The following NRIP1 variants were observed in gnomAD, a reference collection of about 807,000 sequenced individuals.
NRIP1 encodes nuclear receptor-interacting protein 1.
A neutral mutation model predicts 75.0 loss-of-function variants in NRIP1; 28 were observed. That is an observed-to-expected ratio of 0.37 (90% CI 0.28 to 0.51). The LOEUF (loss-of-function observed/expected upper bound fraction) is 0.51. NRIP1 is among the 20% of genes least tolerant of loss of function. The pLI is 0.92. For synonymous variants in NRIP1, 526 were observed against 487.6 expected (o/e 1.08, Z -1.04); for missense variants, 1,435 against 1,343.7 (o/e 1.07, Z -1.06).
At chr21:15,021,743 CAGTT>C (rs1394218150) in intron 2 of NRIP1, among the ~76,000 whole-genome samples, 1 of 151,932 alleles carries the variant, frequency 6.6e-6, no homozygotes. Context: ...CATGAACAGA[CAGTT>C]CTAAAAAGAA....
chr21:15,056,149 G>A (rs181489061), intron 1 of NRIP1, among the ~76,000 whole-genome samples: 4 of 152,192 alleles, frequency 2.6e-5, no homozygotes, highest in African/African-American at 9.6e-5. Flanking sequence ...TAAATGGGGG[G>A]AGGACAAGGT....
intron 3 of NRIP1, among the ~76,000 whole-genome samples, chr21:14,988,517 GTATA>G (rs142771734): frequency 2.1e-3 from 297 of 142,428 alleles, no homozygotes; most frequent in Middle Eastern, 7.3e-3. Context: ...GTGTGTGTGT[GTATA>G]TATATATATA....
chr21:15,033,697 T>C (rs944042867), intron 2 of NRIP1, among the ~76,000 whole-genome samples: 2 of 152,238 alleles, frequency 1.3e-5, no homozygotes, highest in African/African-American at 2.4e-5. Flanking sequence ...CATACATTAT[T>C]TCACTTAATC....
chr21:15,045,369 T>G (rs1377664380), intron 1 of NRIP1, among the ~76,000 whole-genome samples: 1 of 152,222 alleles, frequency 6.6e-6, no homozygotes, highest in Non-Finnish European at 1.5e-5. Context: ...CACAAGTTTT[T>G]TGGTTTCCTA....
At chr21:14,982,267 T>C (rs2087257656) in intron 3 of NRIP1, among the ~76,000 whole-genome samples, 2 of 152,212 alleles carry the variant, frequency 1.3e-5, no homozygotes, top group South Asian at 4.1e-4. Flanking sequence ...ATATAAAATA[T>C]ATAATTTGTT....
At chr21:14,986,760 C>A (rs764348255) in intron 3 of NRIP1, among the ~76,000 whole-genome samples, 1 of 152,120 alleles carries the variant, frequency 6.6e-6, no homozygotes, top group Non-Finnish European at 1.5e-5. Context: ...TTCATTTGAA[C>A]TAACGACTTA....
intron 2 of NRIP1, among the ~76,000 whole-genome samples, chr21:15,020,225 C>A (rs576009788): frequency 1.3e-5 from 2 of 152,226 alleles, no homozygotes; most frequent in South Asian, 2.1e-4. Flanking sequence ...TATATGGTAA[C>A]CAACAGTGTT....
At chr21:15,044,498 G>A (rs1336798155) in intron 1 of NRIP1, among the ~76,000 whole-genome samples, 1 of 151,886 alleles carries the variant, frequency 6.6e-6, no homozygotes, top group Non-Finnish European at 1.5e-5. Context: ...GCGGTGATAA[G>A]GGAGGTACCA....
intron 2 of NRIP1, among the ~76,000 whole-genome samples, chr21:15,032,768 G>A (rs2088736138): frequency 6.6e-6 from 1 of 152,194 alleles, no homozygotes; most frequent in African/African-American, 2.4e-5. Flanking sequence ...AAATGAAGCA[G>A]GAGATGCAGC....
intron 1 of NRIP1, among the ~76,000 whole-genome samples, chr21:15,061,205 T>C (rs944148188): frequency 6.6e-5 from 10 of 152,232 alleles, no homozygotes; most frequent in African/African-American, 2.4e-4. Flanking sequence ...TTTCTCCAGT[T>C]GGAAGACATG....
chr21:14,966,521 T>C lies in NRIP1; in HGVS notation c.1672A>G (p.Thr558Ala), dbSNP rs753130989. 6.2e-7 allele frequency: 1 copy of C among 1,613,844 alleles called. No homozygotes were observed. The highest frequency in any genetic ancestry group is 8.5e-7 in the Non-Finnish European group (1 of 1,179,880). The change falls in exon 4 of 4, where the codon ACA becomes GCA. Residue 558 changes from threonine to alanine, a missense_variant. By Grantham distance (58) the Thr-to-Ala change is moderately conservative. Coordinates refer to ENST00000318948, the MANE Select transcript of NRIP1 (RefSeq NM_003489.4). ...TTPVSTPPLLTSSKAGSPINL... is the reference protein window; with the variant it reads ...TTPVSTPPLLASSKAGSPINL... ...ATGGGAGACCCTGCTTTGCTTGATG[T>C]AAGTAAAGGTGGAGTGCTCACTGGA...
intron 1 of NRIP1, 108 bp downstream of exon 1, chr21:15,064,637 C>T (rs1344363380): frequency 6.6e-6 from 1 of 151,780 alleles, no homozygotes; most frequent in Non-Finnish European, 1.5e-5. Context: ...CCGACGCCCC[C>T]GCGGCCCTGC....
chr21:15,050,845 ACCC>A, intron 1 of NRIP1: 1 of 455,980 alleles, frequency 2.2e-6, no homozygotes, highest in Non-Finnish European at 4.4e-6. Context: ...CCTCTACCTG[ACCC>A]ATACACCCAG....
rs753391603 is a variant in NRIP1, at chr21:14,965,028, T to C, written c.3165A>G (p.Glu1055=). The C allele has an allele frequency of 1.9e-6, 3 of 1,613,996 alleles. No individual in the cohort carries two copies. Among genetic ancestry groups the C allele is most frequent in the Non-Finnish European group, 2.5e-6 (3 of 1,179,944 alleles). Residue 1055 remains glutamate (E), a synonymous_variant, in exon 4 of 4, where the codon GAA becomes GAG. Transcript: ENST00000318948. ...TTTTGGTCAATCTTGGAGAGTCTTT[T>C]TCATACTCATTCTTCTCCGCATCAG... The part of the protein sequence containing the change: ...VITDAEKNEY[E]KDSPRLTKTN...
Position 14,967,282 on chromosome 21 carries a change from A to C in NRIP1, c.911T>G (p.Leu304Trp), listed in dbSNP as rs112429656. The C allele has an allele frequency of 1.2e-6, 2 of 1,613,824 alleles. No individual in the cohort carries two copies. The highest frequency in any genetic ancestry group is 1.3e-5 in the African/African-American group (1 of 74,904). The change falls in exon 4 of 4, where the codon TTG (leucine) becomes TGG (tryptophan). Residue 304 changes from leucine to tryptophan, a missense_variant. Leu to Trp is a moderately conservative substitution (Grantham distance 61, BLOSUM62 -2). Transcript: ENST00000318948. ...AACATCCTTCTGGCCATTTTCTTGC[A>C]ATCTGGCCATAGCAGCAAGTCTTTC... The part of the protein sequence containing the change: ...ASERLAAMAR[L>W]QENGQKDVGS...
chr21:14,976,786 G>A (rs996193097), intron 3 of NRIP1, among the ~76,000 whole-genome samples: 1 of 152,028 alleles, frequency 6.6e-6, no homozygotes, highest in East Asian at 1.9e-4. Flanking sequence ...TAATGACAAC[G>A]GTCTTTCTCC....
chr21:15,034,800 T>TA (rs2088795517), intron 2 of NRIP1, among the ~76,000 whole-genome samples: 1 of 151,756 alleles, frequency 6.6e-6, no homozygotes, highest in Non-Finnish European at 1.5e-5. Flanking sequence ...ACATAAAAAA[T>TA]AAAAAATAAA....
chr21:14,975,227 C>T (rs994801265), intron 3 of NRIP1, among the ~76,000 whole-genome samples: 7 of 152,074 alleles, frequency 4.6e-5, no homozygotes, highest in Admixed American at 3.3e-4. Flanking sequence ...TAATCATTCA[C>T]ATGTAAAGTA....
chr21:15,038,537 G>GA (rs1342767112), intron 2 of NRIP1, among the ~76,000 whole-genome samples: 2 of 151,380 alleles, frequency 1.3e-5, no homozygotes, highest in East Asian at 1.9e-4. Flanking sequence ...TTATCCAAAT[G>GA]AAAAAAACAC....
Sources: allele counts gnomAD v4.1 joint callset (sites outside exome capture counted in the v4.1 genomes callset), GRCh38; gene constraint gnomAD v4.1.1; transcripts MANE v1.5; gene names NCBI Gene and HGNC (gene_info 2026-07-23, HGNC 2026-07-21).